Variants in RASGEF1C observed in about 807,000 individuals in gnomAD.
The protein encoded by RASGEF1C is ras-GEF domain-containing family member 1C.
In RASGEF1C, 27 loss-of-function variants were observed where a neutral mutation model predicts 58.1. That is an observed-to-expected ratio of 0.46 (90% CI 0.34 to 0.64). The LOEUF is 0.64. Ranked by LOEUF, RASGEF1C falls within the 30% of genes least tolerant of loss-of-function variation. The probability of loss-of-function intolerance (pLI) is 0.01; values close to 1 mark genes in which losing one functional copy is unlikely to be tolerated. For missense variants in RASGEF1C, 502 were observed against 605.1 expected (o/e 0.83, Z 1.79); for synonymous variants, 243 against 246.3 (o/e 0.99, Z 0.13).
intron 12 of RASGEF1C, among the ~76,000 whole-genome samples, chr5:180,102,361 G>A (rs1056461155): frequency 5.9e-5 from 9 of 152,106 alleles, no homozygotes; most frequent in Non-Finnish European, 1.2e-4. Context: ...TTCAAATGAT[G>A]TATAAATACA....
intron 12 of RASGEF1C, 57 bp downstream of exon 12, chr5:180,111,400 G>A: frequency 6.2e-7 from 1 of 1,612,166 alleles, no homozygotes. Flanking sequence ...TGGTGACTGA[G>A]AGGCTACCCC....
In RASGEF1C at chr5:180,197,922, C is replaced by T. The variant is rs1306151749; in HGVS notation, c.-7+11106G>A. 2.6e-5 allele frequency among the ~76,000 whole-genome samples: 4 copies of T among 152,232 alleles called. No homozygotes were observed. The highest frequency in any genetic ancestry group is 5.9e-5 in the Non-Finnish European group (4 of 68,038). Reference sequence around the variant, plus strand: ...AGTCTGCACTGCGTCCCACGCTTAGCGACATCCAATGCACGTAAAGCAGAA... The same window carrying T: ...AGTCTGCACTGCGTCCCACGCTTAGTGACATCCAATGCACGTAAAGCAGAA... On this transcript the variant is annotated intron_variant, in intron 1 of 13. Coordinates refer to ENST00000361132, the MANE Select transcript of RASGEF1C (RefSeq NM_175062.4). The surrounding 1 kb of genome is among the most constrained non-coding windows in gnomAD (Gnocchi z 4.7).
At chr5:180,128,714 C>T (rs868200185) in intron 4 of RASGEF1C, 104 bp from the exon 5 acceptor site, 283 of 1,181,832 alleles carry the variant, frequency 2.4e-4, no homozygotes, top group Non-Finnish European at 2.7e-4. Flanking sequence ...GTCTTTTCCT[C>T]AGGGTCTCTG....
chr5:180,107,717 T>C (rs549882971), intron 12 of RASGEF1C, among the ~76,000 whole-genome samples: 1 of 152,364 alleles, frequency 6.6e-6, no homozygotes, highest in East Asian at 1.9e-4. Context: ...AAAGCAATTC[T>C]TGTGCCTCAG....
intron 1 of RASGEF1C, among the ~76,000 whole-genome samples, chr5:180,139,862 G>T (rs10903249): frequency 6.6e-6 from 1 of 152,094 alleles, no homozygotes; most frequent in South Asian, 2.1e-4. Context: ...CTGTGAGCCT[G>T]GGAGGTCCGT....
chr5:180,161,086 T>C (rs781168167), intron 1 of RASGEF1C, among the ~76,000 whole-genome samples: 14 of 152,200 alleles, frequency 9.2e-5, no homozygotes, highest in Admixed American at 6.5e-4. Context: ...CAGCCTGTGC[T>C]CAGGACCTGG....
At chr5:180,117,211 ACACT>A (rs1244913041) in intron 10 of RASGEF1C, among the ~76,000 whole-genome samples, 1 of 152,224 alleles carries the variant, frequency 6.6e-6, no homozygotes, top group Non-Finnish European at 1.5e-5. Flanking sequence ...AGTCACTGAC[ACACT>A]CACAGCCTGA....
At position 180,137,593 on chromosome 5, in the gene RASGEF1C, G is replaced by A; in HGVS notation, c.297C>T (p.Asp99=). The A allele has an allele frequency of 2.5e-6, 4 of 1,611,274 alleles. No individual in the cohort carries two copies. Among genetic ancestry groups the A allele is most frequent in the Non-Finnish European group, 3.4e-6 (4 of 1,179,542 alleles). The stretch of plus-strand genomic sequence containing the variant: ...CCTGGCCTGCCCTCCGCCTCACCTT[G>A]TCCAGCACCGGCTTGTCCAGCTGCT... ...EQQQLDKPVL[D]KARVRKFGPK... Residue 99 remains aspartate (D), a synonymous_variant, in exon 3 of 14, where the codon GAC becomes GAT. Coordinates refer to ENST00000361132, the MANE Select transcript of RASGEF1C (RefSeq NM_175062.4). This position sits in a 1 kb window ranked among gnomAD's most constrained non-coding sequence, Gnocchi z 4.1.
At chr5:180,107,732 C>T (rs1328551393) in intron 12 of RASGEF1C, among the ~76,000 whole-genome samples, 3 of 152,136 alleles carry the variant, frequency 2.0e-5, no homozygotes, top group African/African-American at 7.2e-5. Context: ...CCTCAGCCAC[C>T]CAAGTAGCTG....
At chr5:180,195,041 G>A (rs1756240592) in intron 1 of RASGEF1C, among the ~76,000 whole-genome samples, 1 of 152,242 alleles carries the variant, frequency 6.6e-6, no homozygotes, top group African/African-American at 2.4e-5. Context: ...GGCGACCAGG[G>A]CGGGGCCCAG....
chr5:180,126,649 T>C (rs529944044), intron 6 of RASGEF1C, among the ~76,000 whole-genome samples: 22 of 152,330 alleles, frequency 1.4e-4, no homozygotes, highest in Non-Finnish European at 4.4e-5. Context: ...CCTTATTCCC[T>C]TTCACAGCTG....
intron 1 of RASGEF1C, among the ~76,000 whole-genome samples, chr5:180,176,773 G>C (rs772366148): frequency 2.4e-4 from 37 of 152,106 alleles, no homozygotes; most frequent in Non-Finnish European, 4.0e-4. Flanking sequence ...GGCCAGGATG[G>C]TCTCGATCTC....
At chr5:180,190,506 AAATAATAAT>A (rs370402852) in intron 1 of RASGEF1C, among the ~76,000 whole-genome samples, 53 of 97,486 alleles carry the variant, frequency 5.4e-4, no homozygotes, top group East Asian at 4.4e-3. Flanking sequence ...AAAAAAAAAA[AAATAATAAT>A]AATAATAATA....
intron 1 of RASGEF1C, among the ~76,000 whole-genome samples, chr5:180,208,469 TG>T (rs1468466802): frequency 1.9e-4 from 29 of 152,170 alleles, no homozygotes; most frequent in South Asian, 2.1e-4. Flanking sequence ...TGCCGTCCGC[TG>T]TCACTGCGTG....
intron 1 of RASGEF1C, among the ~76,000 whole-genome samples, chr5:180,152,045 C>T (rs1174624949): frequency 2.8e-4 from 42 of 148,524 alleles, no homozygotes; most frequent in African/African-American, 8.7e-4. Flanking sequence ...GTTAGAATGG[C>T]GATCATTAAA....
intron 12 of RASGEF1C, among the ~76,000 whole-genome samples, chr5:180,104,433 A>C (rs1404384310): frequency 6.6e-6 from 1 of 152,232 alleles, no homozygotes; most frequent in Non-Finnish European, 1.5e-5. Flanking sequence ...CCTTAGAAGC[A>C]GAGAGCAGCC....
intron 1 of RASGEF1C, among the ~76,000 whole-genome samples, chr5:180,173,874 C>T (rs558917174): frequency 5.0e-4 from 76 of 151,248 alleles, no homozygotes; most frequent in East Asian, 2.7e-3. Context: ...GATTGTGCCA[C>T]TGCACTCCAG....
Position 180,168,455 on chromosome 5 carries a change from C to T in RASGEF1C, c.-6-30397G>A, listed in dbSNP as rs1160703170. 2.0e-5 allele frequency among the ~76,000 whole-genome samples: 3 copies of T among 151,960 alleles called. No homozygotes were observed. The highest frequency in any genetic ancestry group is 4.4e-5 in the Non-Finnish European group (3 of 67,972). The stretch of plus-strand genomic sequence containing the variant: ...TCTCAAAATAAATAAACAAAAAAAA[C>T]AACAACCAAAAAACTCCAGGGGATT... On this transcript the variant is annotated intron_variant, in intron 1 of 13. Transcript: ENST00000361132. This position sits in a 1 kb window ranked among gnomAD's most constrained non-coding sequence, Gnocchi z 6.0.
intron 1 of RASGEF1C, among the ~76,000 whole-genome samples, chr5:180,164,477 C>A (rs1766990042): frequency 6.6e-6 from 1 of 152,168 alleles, no homozygotes; most frequent in Admixed American, 6.5e-5. Context: ...GTATATCCAA[C>A]AGATTTTAAT....
Sources: gnomAD v4.1 joint callset for allele counts (sites outside exome capture counted in the v4.1 genomes callset) on GRCh38, gnomAD v4.1.1 for gene constraint, Gnocchi (gnomAD v3.1) non-coding constraint, MANE v1.5 for transcripts, NCBI Gene and HGNC (gene_info 2026-07-23, HGNC 2026-07-21) for gene names.